TAS2R1: variants seen among roughly 807,000 people sequenced by gnomAD.
TAS2R1 encodes taste 2 receptor member 1, also known as taste receptor type 2 member 1.
For synonymous variants in TAS2R1, 141 were observed against 134.2 expected, an observed-to-expected ratio of 1.05 and a Z score of -0.35; for missense variants, 370 against 353.4, an observed-to-expected ratio of 1.05 and a Z score of -0.38.
chr5:9,755,089 C>T, the TAS2R1 span, among the ~76,000 whole-genome samples: 512 of 152,166 alleles, frequency 3.4e-3, no homozygotes, highest in African/African-American at 0.012. Context: ...CCATAATTTA[C>T]GGTTCATTAG....
chr5:9,641,446 C>T (rs1215845265), intron 2 of TAS2R1: 1 of 152,144 alleles, frequency 6.6e-6, no homozygotes, highest in African/African-American at 2.4e-5. Context: ...TCCATGGGCA[C>T]ACACAGAGTC....
At chr5:9,887,237 T>C in the TAS2R1 span, among the ~76,000 whole-genome samples, 3 of 152,214 alleles carry the variant, frequency 2.0e-5, no homozygotes. Flanking sequence ...ATTATATTGA[T>C]CTTTGACATC....
Position 9,628,986 on chromosome 5 carries a change from C to A in TAS2R1, c.*147G>T. The A allele has an allele frequency of 1.3e-6, 1 of 780,930 alleles. No individual in the cohort carries two copies. Among genetic ancestry groups the A allele is most frequent in the African/African-American group, 1.7e-5 (1 of 57,812 alleles). The allele number at this position is 780,930 out of a possible 1,614,324, so 48.4% of individuals were successfully genotyped here. ...TAACTGCTTGAAAAAGTAGCATATC[C>A]ACAGAAATACCTCAGGCTGGATAAA... is the stretch of plus-strand genomic sequence containing the variant. On this transcript the variant is annotated 3_prime_UTR_variant, in exon 1 of 1. Transcript: ENST00000382492.
rs183213217 is a variant in TAS2R1, at chr5:9,630,103, C to T, written c.-71G>A. On this transcript the variant is annotated 5_prime_UTR_variant, in exon 1 of 1. It adds an upstream start codon to the 5' untranslated region. Transcript: ENST00000382492. ...AGTTTTGGACAGGTTGGGTTGTTCA[C>T]GCTCTTCAATTAGATCAGGACTCCT... is the stretch of plus-strand genomic sequence containing the variant. The T allele has an allele frequency of 7.2e-4, 940 of 1,311,700 alleles. 1 individual carries two copies. The African/African-American group carries it at 0.012, about 17-fold the overall frequency. The allele number at this position is 1,311,700 out of a possible 1,614,324, so 81.3% of individuals were successfully genotyped here.
Position 9,681,531 on chromosome 5 carries a change from C to CAAAAAAAAAAAAAAAAAAAAAAAA in TAS2R1, c.-241-21951_-241-21950insTTTTTTTTTTTTTTTTTTTTTTTT, listed in dbSNP as rs10681888. On this transcript the variant is annotated intron_variant, in intron 1 of 2. Coordinates refer to the TAS2R1 transcript ENST00000506620. ...TTTCAGGGGACTTCTCATGTTTCTG[C>CAAAAAAAAAAAAAAAAAAAAAAAA]AAAAAAAAAAAAAAAAAAAGATGCC... 1.1e-3 allele frequency among the ~76,000 whole-genome samples: 95 copies of CAAAAAAAAAAAAAAAAAAAAAAAA among 87,872 alleles called. 5 individuals are homozygous for CAAAAAAAAAAAAAAAAAAAAAAAA. The highest frequency in any genetic ancestry group is 2.4e-3 in the African/African-American group (56 of 23,140). The allele number at this position is 87,872 out of a possible 152,430, so 57.6% of individuals were successfully genotyped here. A position where few individuals can be genotyped will look rare whatever the true frequency, so the allele number is the denominator to read the frequency against.
Position 9,629,524 on chromosome 5 carries a change from T to C in TAS2R1, c.509A>G (p.Asp170Gly), listed in dbSNP as rs1739827057. ...FSQNATIQKE[D>G]TLAIQIFSFV... Reference sequence around the variant, plus strand: ...AGAGAAAATCTGTATAGCCAGTGTATCTTCTTTTTGAATTGTGGCATTTTG... The same window carrying C: ...AGAGAAAATCTGTATAGCCAGTGTACCTTCTTTTTGAATTGTGGCATTTTG... The change falls in exon 1 of 1, where the codon GAT becomes GGT. Residue 170 changes from aspartate to glycine, a missense_variant. By Grantham distance (94) the Asp-to-Gly change is moderately conservative. Transcript: ENST00000382492. 2 of 1,614,094 alleles carry C rather than the reference T, an allele frequency of 1.2e-6. No individual in the cohort carries two copies. The highest frequency in any genetic ancestry group is 1.1e-5 in the South Asian group (1 of 91,086).
At chr5:9,649,940 C>T (rs932688904) in intron 2 of TAS2R1, among the ~76,000 whole-genome samples, 1 of 152,072 alleles carries the variant, frequency 6.6e-6, no homozygotes, top group Non-Finnish European at 1.5e-5. Context: ...TATTTTAAAC[C>T]AGGTATACTG....
chr5:9,751,348 T>C, the TAS2R1 span, among the ~76,000 whole-genome samples: 1 of 151,938 alleles, frequency 6.6e-6, no homozygotes, highest in African/African-American at 2.4e-5. Context: ...TCCAACATTT[T>C]ATAATTCTAT....
chr5:9,672,998 T>G (rs1380458232), intron 1 of TAS2R1, among the ~76,000 whole-genome samples: 7 of 152,014 alleles, frequency 4.6e-5, no homozygotes, highest in Non-Finnish European at 8.8e-5. Flanking sequence ...TGCAGCAACA[T>G]GGAGGAAGCT....
At chr5:9,695,122 AG>A (rs770373245) in intron 1 of TAS2R1, among the ~76,000 whole-genome samples, 116 of 152,340 alleles carry the variant, frequency 7.6e-4, no homozygotes, top group Middle Eastern at 3.4e-3. Flanking sequence ...GATCTCACAG[AG>A]CAGATTAAAA....
upstream of TAS2R1, among the ~76,000 whole-genome samples, chr5:9,715,087 A>T (rs1275625601): frequency 6.6e-6 from 1 of 152,192 alleles, no homozygotes; most frequent in Non-Finnish European, 1.5e-5. Context: ...GTCAAAAGAA[A>T]CTACACACAC....
chr5:9,891,834 T>G, the TAS2R1 span, among the ~76,000 whole-genome samples: 3 of 152,160 alleles, frequency 2.0e-5, 1 homozygote, highest in South Asian at 6.2e-4. Flanking sequence ...AAGCACTTCA[T>G]GACCACTCCA....
At chr5:9,632,233 C>T (rs1338855287), upstream of TAS2R1, among the ~76,000 whole-genome samples, 1 of 152,106 alleles carries the variant, frequency 6.6e-6, no homozygotes, top group East Asian at 1.9e-4. Flanking sequence ...ATTAAGTGTG[C>T]AATAGCACTA....
chr5:9,745,536 A>G, the TAS2R1 span, among the ~76,000 whole-genome samples: 9 of 152,166 alleles, frequency 5.9e-5, no homozygotes, highest in Non-Finnish European at 1.3e-4. Context: ...GCCTACAGTA[A>G]CCAAAACAGC....
intron 2 of TAS2R1, among the ~76,000 whole-genome samples, chr5:9,648,279 T>A (rs1579766860): frequency 1.3e-5 from 2 of 152,284 alleles, no homozygotes; most frequent in African/African-American, 4.8e-5. Context: ...ATAAAAATTT[T>A]AAATGAATAA....
chr5:9,896,323 G>A, the TAS2R1 span, among the ~76,000 whole-genome samples: 1 of 152,140 alleles, frequency 6.6e-6, no homozygotes, highest in Admixed American at 6.5e-5. Context: ...TTTGGGACTG[G>A]CTTTCTTTAA....
chr5:9,782,978 G>A, the TAS2R1 span, among the ~76,000 whole-genome samples: 1 of 152,134 alleles, frequency 6.6e-6, no homozygotes, highest in Non-Finnish European at 1.5e-5. Flanking sequence ...TCTTTAGTGG[G>A]TGTTGCTGAA....
rs114345810 is a variant in TAS2R1, at chr5:9,650,214, A to C, written c.-81+9207T>G. Among the ~76,000 whole-genome samples the C allele has an allele frequency of 7.1e-3, 1,076 of 152,260 alleles. 6 individuals carry two copies. The highest frequency in any genetic ancestry group is 0.01 in the Non-Finnish European group (704 of 68,018). On this transcript the variant is annotated intron_variant, in intron 2 of 2. Transcript: ENST00000506620. ...AATATATTCTAACGTTGCTTAAGAG[A>C]TATAATCTTACGTACTTGCTGGATT...
chr5:9,829,403 C>A, the TAS2R1 span, among the ~76,000 whole-genome samples: 13 of 152,100 alleles, frequency 8.5e-5, no homozygotes, highest in Admixed American at 2.0e-4. Flanking sequence ...ACCAGAGACA[C>A]CCCACGGTCA....
Sources: allele counts gnomAD v4.1 joint callset (sites outside exome capture counted in the v4.1 genomes callset), GRCh38; gene constraint gnomAD v4.1.1; transcripts MANE v1.5; gene names NCBI Gene and HGNC (gene_info 2026-07-23, HGNC 2026-07-21).